NRXN3: variants seen among roughly 807,000 people sequenced by gnomAD.
The protein encoded by NRXN3 is neurexin 3.
A neutral mutation model predicts 137.6 loss-of-function variants in NRXN3; 32 were observed. That is an observed-to-expected ratio of 0.23 (90% CI 0.18 to 0.31). The LOEUF (loss-of-function observed/expected upper bound fraction) is 0.31, where lower values mean the gene tolerates loss of function less well. Ranked by LOEUF, NRXN3 falls within the 10% of genes least tolerant of loss-of-function variation. NRXN3 has a pLI of 1.00. For synonymous variants in NRXN3, 798 were observed against 784.5 expected, an observed-to-expected ratio of 1.02 and a Z score of -0.29; for missense variants, 1,574 against 2,062.5, an observed-to-expected ratio of 0.76 and a Z score of 4.59.
intron 8 of NRXN3, among the ~76,000 whole-genome samples, chr14:78,794,896 A>C (rs1595920393): frequency 1.3e-5 from 2 of 150,144 alleles, no homozygotes; most frequent in Non-Finnish European, 3.0e-5. Flanking sequence ...GCAACATGGC[A>C]AAACCCTGTC....
At chr14:79,097,573 T>A (rs2050571942) in intron 15 of NRXN3, among the ~76,000 whole-genome samples, 1 of 152,208 alleles carries the variant, frequency 6.6e-6, no homozygotes, top group Admixed American at 6.5e-5. Context: ...ATGGGTGATT[T>A]GTGGCTGAAC....
chr14:79,010,887 C>A (rs1008717211), intron 15 of NRXN3, among the ~76,000 whole-genome samples: 1 of 152,272 alleles, frequency 6.6e-6, no homozygotes, highest in Middle Eastern at 3.4e-3. Context: ...AGCCCATCCC[C>A]TTGACCTTTC....
intron 10 of NRXN3, among the ~76,000 whole-genome samples, chr14:78,955,165 C>A (rs546702033): frequency 1.3e-5 from 2 of 152,166 alleles, no homozygotes; most frequent in Non-Finnish European, 2.9e-5. Context: ...CGTCTTTCTT[C>A]ACTTTTTTCT....
intron 15 of NRXN3, among the ~76,000 whole-genome samples, chr14:79,448,695 C>A (rs955186581): frequency 6.6e-6 from 1 of 152,182 alleles, no homozygotes; most frequent in Non-Finnish European, 1.5e-5. Context: ...TACTATAGAG[C>A]AACCTGTGTC....
chr14:79,315,888 G>C (rs1332106737), intron 15 of NRXN3, among the ~76,000 whole-genome samples: 1 of 152,150 alleles, frequency 6.6e-6, no homozygotes, highest in Non-Finnish European at 1.5e-5. Flanking sequence ...ACAATTATTT[G>C]CTACTGGAAA....
At chr14:79,391,627 C>T (rs1599628924) in intron 15 of NRXN3, among the ~76,000 whole-genome samples, 1 of 152,220 alleles carries the variant, frequency 6.6e-6, no homozygotes, top group East Asian at 1.9e-4. Context: ...TGTATCAAAA[C>T]TTGGAAGGGA....
At chr14:79,363,287 A>C (rs1244970955) in intron 15 of NRXN3, among the ~76,000 whole-genome samples, 2 of 152,236 alleles carry the variant, frequency 1.3e-5, no homozygotes, top group African/African-American at 4.8e-5. Flanking sequence ...GGCGTGAGCC[A>C]CTGCACCCGA....
intron 19 of NRXN3, among the ~76,000 whole-genome samples, chr14:79,771,072 C>G: frequency 6.6e-6 from 1 of 152,088 alleles, no homozygotes; most frequent in Non-Finnish European, 1.5e-5. Flanking sequence ...AAGACTAAAC[C>G]AGGAAGAAAT....
chr14:78,352,360 A>G (rs1198016479), intron 4 of NRXN3, among the ~76,000 whole-genome samples: 7 of 152,118 alleles, frequency 4.6e-5, no homozygotes. Flanking sequence ...TATCTCTGGA[A>G]GGTCTCTTTC....
chr14:78,948,628 CTTTT>C (rs201010514), intron 10 of NRXN3, among the ~76,000 whole-genome samples: 22 of 108,632 alleles, frequency 2.0e-4, no homozygotes, highest in Admixed American at 7.2e-4. Flanking sequence ...ACACATTTAA[CTTTT>C]TTTTTTTTTT....
intron 10 of NRXN3, among the ~76,000 whole-genome samples, chr14:78,917,391 G>A (rs1004944032): frequency 1.3e-5 from 2 of 152,148 alleles, no homozygotes; most frequent in African/African-American, 4.8e-5. Context: ...TAACTGATCT[G>A]TGCAACAAAT....
At chr14:79,407,328 G>A (rs2095333853) in intron 15 of NRXN3, among the ~76,000 whole-genome samples, 1 of 151,960 alleles carries the variant, frequency 6.6e-6, no homozygotes, top group South Asian at 2.1e-4. Flanking sequence ...ATTATTTTGT[G>A]TTATTCTTTC....
At chr14:78,862,227 A>G (rs1349000410) in intron 10 of NRXN3, among the ~76,000 whole-genome samples, 1 of 151,248 alleles carries the variant, frequency 6.6e-6, no homozygotes, top group Non-Finnish European at 1.5e-5. Context: ...ATCTATAACA[A>G]GATTGTTATA....
intron 1 of NRXN3, among the ~76,000 whole-genome samples, chr14:78,190,036 A>G (rs1000456595): frequency 6.6e-6 from 1 of 152,212 alleles, no homozygotes; most frequent in African/African-American, 2.4e-5. Flanking sequence ...ATAGGGTCTC[A>G]TCACCCTGAA....
intron 8 of NRXN3, among the ~76,000 whole-genome samples, chr14:78,752,621 G>A (rs986643813): frequency 6.6e-6 from 1 of 152,168 alleles, no homozygotes; most frequent in Non-Finnish European, 1.5e-5. Context: ...TGGAAGAAGA[G>A]ACATTAAAGT....
chr14:78,543,155 G>A (rs765557438), intron 4 of NRXN3, among the ~76,000 whole-genome samples: 4 of 152,122 alleles, frequency 2.6e-5, no homozygotes, highest in Admixed American at 6.6e-5. Flanking sequence ...ATGGTTATCT[G>A]AGCACCAGGT....
chr14:78,900,784 T>C (rs545722174), intron 10 of NRXN3, among the ~76,000 whole-genome samples: 45 of 152,172 alleles, frequency 3.0e-4, no homozygotes, highest in African/African-American at 1.0e-3. Flanking sequence ...AAATTATCTA[T>C]TCTTGACATC....
intron 20 of NRXN3, among the ~76,000 whole-genome samples, chr14:79,821,112 G>T (rs1485710425): frequency 6.6e-6 from 1 of 151,778 alleles, no homozygotes; most frequent in South Asian, 2.1e-4. Context: ...CTATTGGAAT[G>T]CATGTTTTAA....
At position 78,242,819 on chromosome 14, in the gene NRXN3, C is replaced by T; in HGVS notation, c.-275C>T. 2.2e-6 allele frequency: 1 copy of T among 455,768 alleles called. No individual in the cohort carries two copies. Among genetic ancestry groups the T allele is most frequent in the Middle Eastern group, 5.7e-4 (1 of 1,766 alleles). 28.2% of individuals were successfully genotyped at this position (455,768 alleles called of 1,614,324 possible). ...CTTTCCTCTTTACTCCAGTCCCTCA[C>T]TTCCCCACCTGATTTTCCTCCTCTT... On this transcript the variant is annotated 5_prime_UTR_variant, in exon 2 of 21. Coordinates refer to ENST00000335750, the MANE Select transcript of NRXN3 (RefSeq NM_001330195.2).
Sources: gnomAD v4.1 joint callset for allele counts (sites outside exome capture counted in the v4.1 genomes callset) on GRCh38, gnomAD v4.1.1 for gene constraint, MANE v1.5 for transcripts, NCBI Gene and HGNC (gene_info 2026-07-23, HGNC 2026-07-21) for gene names.